AGAP1: variants seen among roughly 807,000 people sequenced by gnomAD.
The protein encoded by AGAP1 is ArfGAP with GTPase domain, ankyrin repeat and PH domain 1.
A neutral mutation model predicts 105.3 loss-of-function variants in AGAP1; 29 were observed. The ratio of observed to expected loss-of-function variants is 0.28; its 90% CI spans 0.21 to 0.38. AGAP1 has a LOEUF of 0.38. Ranked by LOEUF, AGAP1 falls within the 10% of genes least tolerant of loss-of-function variation. AGAP1 has a pLI of 1.00. For synonymous variants in AGAP1, 509 were observed against 485.9 expected (o/e 1.05, Z -0.63); for missense variants, 998 against 1,165.1 (o/e 0.86, Z 2.09).
chr2:235,835,094 C>T (rs1017566428), intron 9 of AGAP1, among the ~76,000 whole-genome samples: 6 of 152,332 alleles, frequency 3.9e-5, no homozygotes, highest in East Asian at 1.9e-4. Context: ...TTGCTCTCCC[C>T]GATTGCACAG....
intron 9 of AGAP1, among the ~76,000 whole-genome samples, chr2:235,859,942 C>T (rs780681363): frequency 6.6e-6 from 1 of 152,188 alleles, no homozygotes; most frequent in Admixed American, 6.5e-5. Flanking sequence ...ATGGCCACTG[C>T]GAATGTCTCT....
intron 9 of AGAP1, among the ~76,000 whole-genome samples, chr2:235,848,052 G>C (rs866356047): frequency 1.3e-5 from 2 of 152,158 alleles, no homozygotes; most frequent in African/African-American, 4.8e-5. Context: ...CTTTTTCTAG[G>C]CACTGCTTGG....
At chr2:235,613,384 A>G (rs1019973049) in intron 1 of AGAP1, among the ~76,000 whole-genome samples, 1 of 152,200 alleles carries the variant, frequency 6.6e-6, no homozygotes, top group African/African-American at 2.4e-5. Context: ...TTGATAAGCA[A>G]ATGGGTTCTA....
At position 236,109,724 on chromosome 2, in the gene AGAP1, C is replaced by G. The variant is rs1318823012; in HGVS notation, c.2115-10468C>G. 6.6e-6 allele frequency among the ~76,000 whole-genome samples: 1 copy of G among 152,234 alleles called. No individual in the cohort carries two copies. The highest frequency in any genetic ancestry group is 2.4e-5 in the African/African-American group (1 of 41,476). On this transcript the variant is annotated intron_variant, in intron 16 of 17. Transcript: ENST00000304032. This position sits in a 1 kb window ranked among gnomAD's most constrained non-coding sequence, Gnocchi z 5.4. ...TCTGGATCCGAGCATCCCAGGGTAGCAGCTGCCAACCACATACTTATGTAA... is the reference window on the plus strand; with the variant it reads ...TCTGGATCCGAGCATCCCAGGGTAGGAGCTGCCAACCACATACTTATGTAA...
Position 235,919,105 on chromosome 2 carries a change from G to C in AGAP1, c.1324+10199G>C, listed in dbSNP as rs1031185414. 2.6e-5 allele frequency among the ~76,000 whole-genome samples: 4 copies of C among 152,166 alleles called. No individual in the cohort carries two copies. Among genetic ancestry groups the C allele is most frequent in the African/African-American group, 9.6e-5 (4 of 41,454 alleles). ...GCTTCCGAGACCAGCGAAGTGGTCTGCAGGGTCAGCTGTGGGAAAGAGGAG... is the reference window on the plus strand; with the variant it reads ...GCTTCCGAGACCAGCGAAGTGGTCTCCAGGGTCAGCTGTGGGAAAGAGGAG... On this transcript the variant is annotated intron_variant, in intron 11 of 17. Transcript: ENST00000304032. The surrounding 1 kb of genome is among the most constrained non-coding windows in gnomAD (Gnocchi z 4.1).
chr2:235,695,606 A>G (rs1949958811), intron 1 of AGAP1, among the ~76,000 whole-genome samples: 1 of 152,136 alleles, frequency 6.6e-6, no homozygotes, highest in Non-Finnish European at 1.5e-5. Context: ...TTCTGGACAC[A>G]GTATTTGGTG....
At position 235,506,535 on chromosome 2, in the gene AGAP1, G is replaced by T. The variant is rs146685192; in HGVS notation, c.163+11686G>T. On this transcript the variant is annotated intron_variant, in intron 1 of 17. Transcript: ENST00000304032. ...TCTTGTCTCAAAAAAAAAAAAAATT[G>T]AACTGTGATGACTATGATATTGTCT... is the stretch of plus-strand genomic sequence containing the variant. Among the ~76,000 whole-genome samples the T allele has an allele frequency of 7.9e-3, 1,200 of 152,026 alleles. 11 individuals carry two copies. The highest frequency in any genetic ancestry group is 0.014 in the Middle Eastern group (4 of 294).
At chr2:235,771,112 G>A (rs1040569454) in intron 6 of AGAP1, among the ~76,000 whole-genome samples, 3 of 152,208 alleles carry the variant, frequency 2.0e-5, no homozygotes, top group African/African-American at 7.2e-5. Flanking sequence ...CTCACCTGTA[G>A]TCTCTGGGTC....
chr2:235,608,522 G>A lies in AGAP1; in HGVS notation c.164-100657G>A, dbSNP rs1257830611. On this transcript the variant is annotated intron_variant, in intron 1 of 17. Transcript: ENST00000304032. The surrounding 1 kb of genome is among the most constrained non-coding windows in gnomAD (Gnocchi z 5.4). ...AGCCTCCCTGGCCCAGCGTTGGGCT[G>A]GGACCCTCTGCCTCTCCCAGTGAGA... Among the ~76,000 whole-genome samples, 1 of 152,140 alleles carries A rather than the reference G, an allele frequency of 6.6e-6. No homozygotes were observed. The highest frequency in any genetic ancestry group is 1.9e-4 in the East Asian group (1 of 5,176).
intron 12 of AGAP1, among the ~76,000 whole-genome samples, chr2:235,941,835 T>C (rs1244451759): frequency 9.2e-6 from 1 of 108,600 alleles, no homozygotes. Context: ...TGTGCGGCTA[T>C]GGAGCTTTGT....
At chr2:235,532,531 A>G (rs1456534503) in intron 1 of AGAP1, among the ~76,000 whole-genome samples, 1 of 152,182 alleles carries the variant, frequency 6.6e-6, no homozygotes, top group Non-Finnish European at 1.5e-5. Flanking sequence ...CGAGGGTTGT[A>G]TATGTATCAC....
At chr2:235,940,918 T>TG (rs2053230052) in intron 12 of AGAP1, among the ~76,000 whole-genome samples, 1 of 152,188 alleles carries the variant, frequency 6.6e-6, no homozygotes, top group Non-Finnish European at 1.5e-5. Flanking sequence ...TGAGCACACT[T>TG]GGATAGCATC....
Position 236,119,676 on chromosome 2 carries a change from C to G in AGAP1, c.2115-516C>G, listed in dbSNP as rs554751124. ...TCGGCCCCAGAGACCATGCTTCCAT[C>G]GTGCGGTCCGTGCTCTCGGCCCCGG... On this transcript the variant is annotated intron_variant, in intron 16 of 17. Transcript: ENST00000304032. This position sits in a 1 kb window ranked among gnomAD's most constrained non-coding sequence, Gnocchi z 6.6. Among the ~76,000 whole-genome samples the G allele has an allele frequency of 1.3e-5, 2 of 151,742 alleles. No homozygotes were observed.
intron 9 of AGAP1, among the ~76,000 whole-genome samples, chr2:235,871,421 G>A (rs867333857): frequency 7.2e-5 from 11 of 152,154 alleles, no homozygotes; most frequent in African/African-American, 2.7e-4. Context: ...CCTGCGTGGG[G>A]TGGCCGGGAG....
rs1946971118 is a variant in AGAP1, at chr2:235,635,638, A to C, written c.164-73541A>C. On this transcript the variant is annotated intron_variant, in intron 1 of 17. Coordinates refer to ENST00000304032, the MANE Select transcript of AGAP1 (RefSeq NM_001037131.3). This position sits in a 1 kb window ranked among gnomAD's most constrained non-coding sequence, Gnocchi z 5.3. ...AGATCAATGAGTTTTCTAGGGAGGC[A>C]TCAGAGTTAGCCATGGCACCTTCTC... 6.6e-6 allele frequency among the ~76,000 whole-genome samples: 1 copy of C among 152,028 alleles called. No individual in the cohort carries two copies. Among genetic ancestry groups the C allele is most frequent in the African/African-American group, 2.4e-5 (1 of 41,390 alleles).
rs1418389575 is a variant in AGAP1, at chr2:235,866,372, T to C, written c.1051-16973T>C. Among the ~76,000 whole-genome samples, 1 of 152,156 alleles carries C rather than the reference T, an allele frequency of 6.6e-6. No homozygotes were observed. Among genetic ancestry groups the C allele is most frequent in the East Asian group, 1.9e-4 (1 of 5,188 alleles). On this transcript the variant is annotated intron_variant, in intron 9 of 17. Coordinates refer to ENST00000304032, the MANE Select transcript of AGAP1 (RefSeq NM_001037131.3). The surrounding 1 kb of genome is among the most constrained non-coding windows in gnomAD (Gnocchi z 6.1). ...TGTGTGTGATCGGGGTGTTCTGGAC[T>C]TGAGGTACCTGGTAGATACTCGGGG... is the stretch of plus-strand genomic sequence containing the variant.
At position 235,629,268 on chromosome 2, in the gene AGAP1, TTGTGTGTGTGTGTGTGTG is replaced by T. The variant is rs60059513; in HGVS notation, c.164-79877_164-79860del. Among the ~76,000 whole-genome samples, 245 of 135,814 alleles carry T rather than the reference TTGTGTGTGTGTGTGTGTG, an allele frequency of 1.8e-3. 2 individuals carry two copies. The highest frequency in any genetic ancestry group is 2.8e-3 in the African/African-American group (99 of 35,712). 89.1% of individuals were successfully genotyped at this position (135,814 alleles called of 152,430 possible). The stretch of plus-strand genomic sequence containing the variant: ...CCTTCTTAAGGCTGAGTAGTAGTCA[TTGTGTGTGTGTGTGTGTG>T]TGTGTGTGTGTGTGTGTGTGTGTGT... On this transcript the variant is annotated intron_variant, in intron 1 of 17. Transcript: ENST00000304032.
In AGAP1 at chr2:235,553,116, A is replaced by G. The variant is rs1336442930; in HGVS notation, c.163+58267A>G. Among the ~76,000 whole-genome samples, 1 of 152,126 alleles carries G rather than the reference A, an allele frequency of 6.6e-6. No individual in the cohort carries two copies. Among genetic ancestry groups the G allele is most frequent in the African/African-American group, 2.4e-5 (1 of 41,406 alleles). On this transcript the variant is annotated intron_variant, in intron 1 of 17. Transcript: ENST00000304032. This position sits in a 1 kb window ranked among gnomAD's most constrained non-coding sequence, Gnocchi z 4.5. The stretch of plus-strand genomic sequence containing the variant: ...CTGAATATACAGTCAGCTACTCACC[A>G]CTCGAAAGCCAGACTTGAGAGACAA...
intron 1 of AGAP1, among the ~76,000 whole-genome samples, chr2:235,575,853 A>C (rs1268742526): frequency 6.6e-6 from 1 of 151,554 alleles, no homozygotes; most frequent in Admixed American, 6.6e-5. Context: ...GAGATTGGGG[A>C]GGGAAGTCTG....
Sources: gnomAD v4.1 joint callset for allele counts (sites outside exome capture counted in the v4.1 genomes callset) on GRCh38, gnomAD v4.1.1 for gene constraint, Gnocchi (gnomAD v3.1) non-coding constraint, MANE v1.5 for transcripts, NCBI Gene and HGNC (gene_info 2026-07-23, HGNC 2026-07-21) for gene names.